The following ADA2 variants were observed in gnomAD, a reference collection of about 807,000 sequenced individuals.
ADA2 encodes adenosine deaminase CECR1.
A neutral mutation model predicts 44.2 loss-of-function variants in ADA2; 29 were observed. The ratio of observed to expected loss-of-function variants is 0.66; its 90% CI spans 0.49 to 0.89. The LOEUF is 0.89. ADA2 is among the 40% of genes least tolerant of loss of function. The pLI, the probability that ADA2 is intolerant of heterozygous loss-of-function variation, is 0.00. For missense variants in ADA2, 637 were observed against 644.8 expected (o/e 0.99, Z 0.13); for synonymous variants, 215 against 234.9 (o/e 0.92, Z 0.77).
At chr22:17,183,662 A>T (rs927075500) in intron 7 of ADA2, among the ~76,000 whole-genome samples, 1 of 150,630 alleles carries the variant, frequency 6.6e-6, no homozygotes, top group Non-Finnish European at 1.5e-5. Context: ...GGGTTTCACC[A>T]TGTCGGCCAG....
intron 2 of ADA2, among the ~76,000 whole-genome samples, chr22:17,207,531 T>G (rs2062368654): frequency 6.6e-6 from 1 of 152,066 alleles, no homozygotes. Context: ...GAAGGATTTC[T>G]GTCCAGACAT....
intron 9 of ADA2, 76 bp downstream of exon 9, chr22:17,181,744 T>G: frequency 7.5e-7 from 1 of 1,330,992 alleles, no homozygotes; most frequent in Non-Finnish European, 1.1e-6. Flanking sequence ...GGCATCTGCC[T>G]CAAGCCTCCA....
intron 5 of ADA2, among the ~76,000 whole-genome samples, chr22:17,191,340 G>A (rs1327269403): frequency 2.6e-5 from 4 of 152,060 alleles, no homozygotes; most frequent in African/African-American, 9.7e-5. Context: ...ACCAAAAACG[G>A]GCCAATTATC....
Position 17,203,697 on chromosome 22 carries a change from A to C in ADA2, c.619T>G (p.Phe207Val), listed in dbSNP as rs2062319221. 1.9e-6 allele frequency: 3 copies of C among 1,614,052 alleles called. No homozygotes were observed. Among genetic ancestry groups the C allele is most frequent in the Non-Finnish European group, 2.5e-6 (3 of 1,180,008 alleles). Reference protein sequence around the residue: ...YTNQNVVWSKFETIFFTISGL... With the variant: ...YTNQNVVWSKVETIFFTISGL... ...GAGATGGTGAAGAAGATGGTTTCAAATTTCGACCAGACAACATTTTGGTTT... is the reference window on the plus strand; with the variant it reads ...GAGATGGTGAAGAAGATGGTTTCAACTTTCGACCAGACAACATTTTGGTTT... The change falls in exon 4 of 10, where the codon TTT (phenylalanine) becomes GTT (valine). Residue 207 changes from phenylalanine (F) to valine (V), a missense_variant. Coordinates refer to ENST00000399837, the MANE Select transcript of ADA2 (RefSeq NM_001282225.2).
At chr22:17,195,556 T>G (rs1321923435) in intron 4 of ADA2, among the ~76,000 whole-genome samples, 1 of 151,466 alleles carries the variant, frequency 6.6e-6, no homozygotes, top group Non-Finnish European at 1.5e-5. Flanking sequence ...AACAAAAAAA[T>G]TTTTTTAAAC....
chr22:17,217,516 G>T (rs1463447543), intron 1 of ADA2, among the ~76,000 whole-genome samples: 1 of 152,150 alleles, frequency 6.6e-6, no homozygotes, highest in African/African-American at 2.4e-5. Flanking sequence ...CTTTACCTGG[G>T]TTATCTATTT....
At position 17,181,458 on chromosome 22, in the gene ADA2, T is replaced by A; in HGVS notation, c.*25A>T. The A allele has an allele frequency of 6.8e-7, 1 of 1,473,548 alleles. No homozygotes were observed. Among genetic ancestry groups the A allele is most frequent in the African/African-American group, 1.4e-5 (1 of 72,268 alleles). 91.3% of individuals were successfully genotyped at this position (1,473,548 alleles called of 1,614,324 possible). A position where few individuals can be genotyped will look rare whatever the true frequency, so the allele number is the denominator to read the frequency against. On this transcript the variant is annotated 3_prime_UTR_variant, in exon 10 of 10. Transcript: ENST00000399837. ...GTGACAGCGTGTGCAAGAAGACAGCTTGTAGAGGGCTGGCTAGCTTCTCCT... is the reference window on the plus strand; with the variant it reads ...GTGACAGCGTGTGCAAGAAGACAGCATGTAGAGGGCTGGCTAGCTTCTCCT...
intron 1 of ADA2, among the ~76,000 whole-genome samples, chr22:17,218,512 T>A (rs5748958): frequency 0.43 from 64,830 of 151,818 alleles, 14,536 homozygotes; most frequent in East Asian, 0.76. Context: ...GTGACTTCTA[T>A]GTCACCATCC....
intron 4 of ADA2, among the ~76,000 whole-genome samples, chr22:17,201,513 C>T (rs1306659642): frequency 6.6e-6 from 1 of 152,108 alleles, no homozygotes; most frequent in Non-Finnish European, 1.5e-5. Flanking sequence ...TGTAAATGAA[C>T]GAGCAGACTC....
At chr22:17,188,599 G>C in intron 6 of ADA2, 152 bp from the exon 7 acceptor site, 1 of 559,742 alleles carries the variant, frequency 1.8e-6, no homozygotes, top group South Asian at 2.2e-5. Flanking sequence ...CCAGGAGCAG[G>C]CCAGGCGTGG....
upstream of ADA2, chr22:17,219,661 G>GATTTTTTTTTTTTTTTTTTTTTTTTTTT (rs1178590006): frequency 8.0e-6 from 1 of 125,660 alleles, no homozygotes; most frequent in African/African-American, 3.0e-5. Context: ...TGCATGTGGG[G>GATTTTTTTTTTTTTTTTTTTTTTTTTTT]TTTGTTTTTT....
chr22:17,213,989 A>G, intron 1 of ADA2: 1 of 348,764 alleles, frequency 2.9e-6, no homozygotes, highest in Non-Finnish European at 5.4e-6. Context: ...CAGTGAGCCA[A>G]GATTGTTCCA....
chr22:17,197,612 T>C (rs2062209268), intron 4 of ADA2, among the ~76,000 whole-genome samples: 1 of 152,196 alleles, frequency 6.6e-6, no homozygotes, highest in Non-Finnish European at 1.5e-5. Context: ...CAGAGTATCA[T>C]TCACTTAAGA....
At chr22:17,205,035 T>C (rs1166908660) in intron 3 of ADA2, among the ~76,000 whole-genome samples, 1 of 151,810 alleles carries the variant, frequency 6.6e-6, no homozygotes, top group Non-Finnish European at 1.5e-5. Context: ...CTTTTTTTTT[T>C]TAAACAGAAT....
Position 17,209,429 on chromosome 22 carries a change from G to C in ADA2, c.249C>G (p.Ser83Arg). Reference sequence around the variant, plus strand: ...GATGCTTGGCCTGGAAAAAGTGCATGCTGGGTGGGAATATCAGGGTCCTCA... The same window carrying C: ...GATGCTTGGCCTGGAAAAAGTGCATCCTGGGTGGGAATATCAGGGTCCTCA... Reference protein sequence around the residue: ...EAMRTLIFPPSMHFFQAKHLI... With the variant: ...EAMRTLIFPPRMHFFQAKHLI... Residue 83 changes from serine to arginine, a missense_variant, in exon 2 of 10, where the codon AGC becomes AGG. Coordinates refer to ENST00000399837, the MANE Select transcript of ADA2 (RefSeq NM_001282225.2). The C allele has an allele frequency of 1.2e-6, 2 of 1,614,122 alleles. No homozygotes were observed. The highest frequency in any genetic ancestry group is 1.7e-6 in the Non-Finnish European group (2 of 1,180,036).
At chr22:17,200,599 A>G (rs763817256) in intron 4 of ADA2, among the ~76,000 whole-genome samples, 1 of 152,176 alleles carries the variant, frequency 6.6e-6, no homozygotes, top group Non-Finnish European at 1.5e-5. Flanking sequence ...GGGTATTAAC[A>G]TATCTAAGGA....
At chr22:17,202,886 T>C (rs2062307743) in intron 4 of ADA2, among the ~76,000 whole-genome samples, 1 of 151,298 alleles carries the variant, frequency 6.6e-6, no homozygotes, top group African/African-American at 2.4e-5. Flanking sequence ...CAGGTTCAAG[T>C]GTTCTCCTGC....
intron 1 of ADA2, chr22:17,214,152 G>A (rs757680520): frequency 2.1e-5 from 15 of 720,676 alleles, no homozygotes; most frequent in East Asian, 1.1e-4. Context: ...TCAGCTGGAC[G>A]AAATAGCCGC....
At chr22:17,204,225 G>A (rs965292841) in intron 3 of ADA2, among the ~76,000 whole-genome samples, 19 of 152,152 alleles carry the variant, frequency 1.2e-4, no homozygotes, top group African/African-American at 4.3e-4. Flanking sequence ...AAATATTGAA[G>A]CCCTAGCCCT....
Sources: gnomAD v4.1 joint callset for allele counts (sites outside exome capture counted in the v4.1 genomes callset) on GRCh38, gnomAD v4.1.1 for gene constraint, MANE v1.5 for transcripts, NCBI Gene and HGNC (gene_info 2026-07-23, HGNC 2026-07-21) for gene names.